Variants in ADAMTS18 observed in about 807,000 individuals in gnomAD.
ADAMTS18 encodes the protein ADAM metallopeptidase with thrombospondin type 1 motif 18, also known as A disintegrin and metalloproteinase with thrombospondin motifs 18.
ADAMTS18 carries 157 observed loss-of-function variants against 165.9 expected under a neutral mutation model. That is an observed-to-expected ratio of 0.95 (90% confidence interval 0.83 to 1.08). The LOEUF (loss-of-function observed/expected upper bound fraction) is 1.08, where lower values mean the gene tolerates loss of function less well. Ranked by LOEUF, ADAMTS18 falls within the 50% of genes least tolerant of loss-of-function variation. ADAMTS18 has a pLI of 0.00. For missense variants in ADAMTS18, 2,040 were observed against 1,534.0 expected (o/e 1.33, Z -5.51); for synonymous variants, 782 against 578.2 (o/e 1.35, Z -5.06).
At chr16:77,294,801 A>G (rs1858767637) in intron 19 of ADAMTS18, 122 bp downstream of exon 19, 6 of 968,202 alleles carry the variant, frequency 6.2e-6, no homozygotes, top group Non-Finnish European at 7.9e-6. Context: ...TCCCAGGCAC[A>G]TGAACTCAGG....
chr16:77,390,632 G>C (rs1293776124), intron 3 of ADAMTS18, among the ~76,000 whole-genome samples: 1 of 151,862 alleles, frequency 6.6e-6, no homozygotes, highest in Non-Finnish European at 1.5e-5. Flanking sequence ...GGAGGTTGCA[G>C]TGAGTGGAGA....
At chr16:77,390,915 C>T (rs749257611) in intron 3 of ADAMTS18, among the ~76,000 whole-genome samples, 1 of 152,158 alleles carries the variant, frequency 6.6e-6, no homozygotes, top group Non-Finnish European at 1.5e-5. Flanking sequence ...AGCTACCATA[C>T]TAAACAGTCT....
At position 77,364,327 on chromosome 16, in the gene ADAMTS18, C is replaced by T; in HGVS notation, c.833G>A (p.Ser278Asn). The change falls in exon 5 of 23, where the codon AGC (serine) becomes AAC (asparagine). Residue 278 changes from serine to asparagine, a missense_variant. Physicochemically the swap from Ser to Asn is conservative, Grantham distance 46. Transcript: ENST00000282849. ...DTYLRFDEYG[S>N]SGRPRRSAGK... The stretch of plus-strand genomic sequence containing the variant: ...AGCTGATCTTCTGGGTCGCCCAGAG[C>T]TCCCATATTCATCAAACCTTAGATA... 6.2e-7 allele frequency: 1 copy of T among 1,613,926 alleles called. No homozygotes were observed. The highest frequency in any genetic ancestry group is 1.1e-5 in the South Asian group (1 of 91,060).
chr16:77,335,440 T>C (rs1372949298), intron 12 of ADAMTS18, among the ~76,000 whole-genome samples: 3 of 151,936 alleles, frequency 2.0e-5, no homozygotes, highest in African/African-American at 4.8e-5. Flanking sequence ...AGGGTGACTA[T>C]AGTTAACAAT....
intron 3 of ADAMTS18, among the ~76,000 whole-genome samples, chr16:77,401,983 G>C: frequency 6.6e-6 from 1 of 152,116 alleles, no homozygotes; most frequent in Admixed American, 6.5e-5. Flanking sequence ...CAGGTGTTCG[G>C]ACTCAGGTCA....
intron 11 of ADAMTS18, among the ~76,000 whole-genome samples, chr16:77,337,210 A>G (rs1041185051): frequency 1.3e-4 from 20 of 152,334 alleles, no homozygotes; most frequent in African/African-American, 4.1e-4. Flanking sequence ...GGGGAAGGCT[A>G]TCGGTCATTT....
At chr16:77,302,303 G>A (rs753423624) in intron 16 of ADAMTS18, among the ~76,000 whole-genome samples, 11 of 151,972 alleles carry the variant, frequency 7.2e-5, no homozygotes, top group Non-Finnish European at 1.5e-4. Context: ...TTTCATATTC[G>A]GTTAAAGCAG....
At chr16:77,395,284 C>T (rs1230577310) in intron 3 of ADAMTS18, among the ~76,000 whole-genome samples, 1 of 152,132 alleles carries the variant, frequency 6.6e-6, no homozygotes, top group East Asian at 1.9e-4. Flanking sequence ...TCTGGAAAAC[C>T]AGTAAGGTCC....
chr16:77,367,061 G>A (rs940118410), intron 4 of ADAMTS18, among the ~76,000 whole-genome samples: 2 of 152,094 alleles, frequency 1.3e-5, no homozygotes, highest in African/African-American at 2.4e-5. Context: ...ACATGCTAAT[G>A]TTCTTGTTTC....
intron 9 of ADAMTS18, 148 bp downstream of exon 9, chr16:77,355,792 T>G (rs2056620546): frequency 3.0e-6 from 3 of 987,490 alleles, no homozygotes; most frequent in African/African-American, 3.2e-5. Flanking sequence ...AATGTCATCA[T>G]CACCATCATC....
intron 3 of ADAMTS18, among the ~76,000 whole-genome samples, chr16:77,403,056 T>C (rs771702811): frequency 1.1e-4 from 16 of 152,360 alleles, no homozygotes; most frequent in Non-Finnish European, 2.2e-4. Flanking sequence ...TGCCAAGTAC[T>C]GTTTAAACAT....
chr16:77,288,978 A>T (rs1183682711), intron 22 of ADAMTS18, among the ~76,000 whole-genome samples: 1 of 152,156 alleles, frequency 6.6e-6, no homozygotes, highest in Non-Finnish European at 1.5e-5. Context: ...CCAGCTACTC[A>T]GGAGGCTGAG....
chr16:77,305,437 A>G (rs771639824), intron 16 of ADAMTS18, among the ~76,000 whole-genome samples: 7 of 152,238 alleles, frequency 4.6e-5, no homozygotes, highest in Non-Finnish European at 7.3e-5. Context: ...GTGCAAAATG[A>G]AAATTCAACA....
chr16:77,357,897 T>A (rs1055649074), intron 8 of ADAMTS18, among the ~76,000 whole-genome samples: 1 of 152,242 alleles, frequency 6.6e-6, no homozygotes, highest in African/African-American at 2.4e-5. Flanking sequence ...AAGAATATGT[T>A]CTGCTTTTCC....
chr16:77,403,509 G>A (rs1451981119), intron 3 of ADAMTS18, among the ~76,000 whole-genome samples: 1 of 152,144 alleles, frequency 6.6e-6, no homozygotes, highest in Non-Finnish European at 1.5e-5. Context: ...ATCAGAGAAT[G>A]GGAGGAGAGA....
chr16:77,410,249 C>G (rs1181748077), intron 3 of ADAMTS18, among the ~76,000 whole-genome samples: 1 of 149,518 alleles, frequency 6.7e-6, no homozygotes, highest in Non-Finnish European at 1.5e-5. Flanking sequence ...TCATAACCAA[C>G]TGAATTGATT....
At chr16:77,327,217 T>C (rs144301849) in intron 12 of ADAMTS18, among the ~76,000 whole-genome samples, 2 of 152,316 alleles carry the variant, frequency 1.3e-5, no homozygotes, top group East Asian at 1.9e-4. Flanking sequence ...TTTATTTCAA[T>C]AGGTTGTTTG....
intron 22 of ADAMTS18, among the ~76,000 whole-genome samples, chr16:77,284,512 G>C (rs1045799601): frequency 1.3e-5 from 2 of 152,202 alleles, no homozygotes; most frequent in African/African-American, 4.8e-5. Flanking sequence ...AAGGTCTTGG[G>C]CCCACCTCCC....
chr16:77,382,223 GTTTT>G (rs141246787), intron 3 of ADAMTS18, among the ~76,000 whole-genome samples: 13,004 of 152,028 alleles, frequency 0.086, 742 homozygotes, highest in East Asian at 0.25. Context: ...TTGTTTGTTT[GTTTT>G]TTTGAGACAG....
Sources: gnomAD v4.1 joint callset for allele counts (sites outside exome capture counted in the v4.1 genomes callset) on GRCh38, gnomAD v4.1.1 for gene constraint, MANE v1.5 for transcripts, NCBI Gene and HGNC (gene_info 2026-07-23, HGNC 2026-07-21) for gene names.